Variants in LRRC8D observed in about 807,000 individuals in gnomAD.
LRRC8D encodes the protein volume-regulated anion channel subunit LRRC8D.
LRRC8D carries 20 observed loss-of-function variants against 55.8 expected under a neutral mutation model. The observed-to-expected ratio is 0.36, with a 90% CI of 0.25 to 0.52. The LOEUF (loss-of-function observed/expected upper bound fraction) is 0.52, where lower values mean the gene tolerates loss of function less well. LRRC8D is among the 20% of genes least tolerant of loss of function. The pLI, the probability that LRRC8D is intolerant of heterozygous loss-of-function variation, is 0.93. For missense variants in LRRC8D, 651 were observed against 1,030.8 expected (o/e 0.63, Z 5.05); for synonymous variants, 352 against 377.0 (o/e 0.93, Z 0.77).
intron 2 of LRRC8D, among the ~76,000 whole-genome samples, chr1:89,852,261 C>T (rs1661438844): frequency 6.6e-6 from 1 of 152,198 alleles, no homozygotes. Flanking sequence ...AGCTAGTTAC[C>T]TGACTAAACT....
chr1:89,935,460 T>C lies in LRRC8D; in HGVS notation c.2392T>C (p.Ser798Pro). 6.2e-7 allele frequency: 1 copy of C among 1,614,220 alleles called. No individual in the cohort carries two copies. Among genetic ancestry groups the C allele is most frequent in the Non-Finnish European group, 8.5e-7 (1 of 1,180,026 alleles). The change falls in exon 3 of 3, where the codon TCC (serine) becomes CCC (proline). Residue 798 changes from serine to proline, a missense_variant. By Grantham distance (74) the Ser-to-Pro change is moderately conservative (BLOSUM62 -1). This residue lies in a region of LRRC8D where 338 missense variants were observed against 479.4 expected (regional missense o/e 0.71). Coordinates refer to ENST00000337338, the MANE Select transcript of LRRC8D (RefSeq NM_001134479.2). ...ACTCCCAGAGAAAGTTGGTCAGCTCTCCCAGCTCACTCAGCTGGAGCTGAA... is the reference window on the plus strand; with the variant it reads ...ACTCCCAGAGAAAGTTGGTCAGCTCCCCCAGCTCACTCAGCTGGAGCTGAA... ...TSLPEKVGQL[S>P]QLTQLELKGN... is the part of the protein sequence containing the mutation.
intron 2 of LRRC8D, chr1:89,846,646 C>T (rs988145011): frequency 4.9e-4 from 74 of 152,226 alleles, no homozygotes; most frequent in African/African-American, 1.7e-3. Context: ...TCAGGCTCTG[C>T]CCAGAACTCA....
At chr1:89,858,102 AC>A (rs1309373732) in intron 2 of LRRC8D, among the ~76,000 whole-genome samples, 1 of 152,110 alleles carries the variant, frequency 6.6e-6, no homozygotes, top group African/African-American at 2.4e-5. Context: ...GGTGGCAAGC[AC>A]CTGTAGTCCC....
chr1:89,847,080 T>G lies in LRRC8D; in HGVS notation c.-3+3298T>G, dbSNP rs552718658. 3.3e-5 allele frequency among the ~76,000 whole-genome samples: 5 copies of G among 152,348 alleles called. No individual in the cohort carries two copies. In the South Asian group the frequency reaches 1.0e-3, roughly 32 times the overall value. On this transcript the variant is annotated intron_variant, in intron 2 of 2. Coordinates refer to ENST00000337338, the MANE Select transcript of LRRC8D (RefSeq NM_001134479.2). Reference sequence around the variant, plus strand: ...ACCCATGTAACTTTAAATTATAGATTAAATATTTTTGTAACATTCCTTAGA... The same window carrying G: ...ACCCATGTAACTTTAAATTATAGATGAAATATTTTTGTAACATTCCTTAGA...
At chr1:89,843,962 CGGCG>C (rs745580424) in intron 2 of LRRC8D, among the ~76,000 whole-genome samples, 180 bp downstream of exon 2, 34,951 of 152,056 alleles carry the variant, frequency 0.23, 4,709 homozygotes, top group East Asian at 0.37. Context: ...GGGTTCGGGC[CGGCG>C]GAAGGCCCTG....
intron 2 of LRRC8D, among the ~76,000 whole-genome samples, chr1:89,890,999 A>G (rs1047414141): frequency 6.6e-6 from 1 of 152,024 alleles, no homozygotes; most frequent in African/African-American, 2.4e-5. Context: ...CTGCTGCCTC[A>G]GCTTCCTGAG....
intron 1 of LRRC8D, among the ~76,000 whole-genome samples, chr1:89,823,815 AG>A (rs1462955778): frequency 6.6e-6 from 1 of 152,226 alleles, no homozygotes; most frequent in Non-Finnish European, 1.5e-5. Flanking sequence ...CTAAGAATCC[AG>A]GGTGTGTGGA....
intron 2 of LRRC8D, among the ~76,000 whole-genome samples, chr1:89,927,931 C>T (rs1248816479): frequency 6.6e-6 from 1 of 152,182 alleles, no homozygotes; most frequent in Non-Finnish European, 1.5e-5. Context: ...ATTACTGTCA[C>T]CATTATCATC....
chr1:89,933,701 A>G lies in LRRC8D; in HGVS notation c.633A>G (p.Lys211=). 1.9e-6 allele frequency: 3 copies of G among 1,614,184 alleles called. No individual in the cohort carries two copies. Among genetic ancestry groups the G allele is most frequent in the Non-Finnish European group, 2.5e-6 (3 of 1,180,036 alleles). Residue 211 remains lysine, a synonymous_variant, in exon 3 of 3, where the codon AAA becomes AAG. Transcript: ENST00000337338. The surrounding 1 kb of genome is among the most constrained non-coding windows in gnomAD (Gnocchi z 7.0). ...GCTTTGAATCCCCTTGGACGACAAA[A>G]GCGTTGTCTGAGACAGCATGCGAAG... is the stretch of plus-strand genomic sequence containing the variant. ...GKCFESPWTT[K]ALSETACEDS...
At chr1:89,925,696 A>G (rs563827457) in intron 2 of LRRC8D, among the ~76,000 whole-genome samples, 1 of 152,350 alleles carries the variant, frequency 6.6e-6, no homozygotes, top group South Asian at 2.1e-4. Flanking sequence ...ATGAAAAGCT[A>G]CTTTTGTTTT....
chr1:89,935,872 G>T lies in LRRC8D; in HGVS notation c.*227G>T, dbSNP rs1357226850. The T allele has an allele frequency of 4.9e-6, 2 of 406,168 alleles. No homozygotes were observed. Among genetic ancestry groups the T allele is most frequent in the Non-Finnish European group, 9.0e-6 (2 of 222,880 alleles). 25.2% of individuals were successfully genotyped at this position (406,168 alleles called of 1,614,324 possible). The stretch of plus-strand genomic sequence containing the variant: ...TTTTTTTTTTTCTTTTGGGGAAAGG[G>T]AAGGAAAAATTATAATCACTAATCT... On this transcript the variant is annotated 3_prime_UTR_variant, in exon 3 of 3. Coordinates refer to ENST00000337338, the MANE Select transcript of LRRC8D (RefSeq NM_001134479.2).
Position 89,873,254 on chromosome 1 carries a change from A to G in LRRC8D, c.-3+29472A>G, listed in dbSNP as rs1022541956. Among the ~76,000 whole-genome samples, 5 of 152,244 alleles carry G rather than the reference A, an allele frequency of 3.3e-5. 1 individual carries two copies. The highest frequency in any genetic ancestry group is 1.2e-4 in the African/African-American group (5 of 41,470). On this transcript the variant is annotated intron_variant, in intron 2 of 2. Coordinates refer to ENST00000337338, the MANE Select transcript of LRRC8D (RefSeq NM_001134479.2). ...AAAGCTGTCGATGCAAAGTTGCAAAATAACAAAGGCTTCTGTATTAATTTC... is the reference window on the plus strand; with the variant it reads ...AAAGCTGTCGATGCAAAGTTGCAAAGTAACAAAGGCTTCTGTATTAATTTC...
rs139484293 is a variant in LRRC8D, at chr1:89,839,206, A to T, written c.-147-4432A>T. ...GCTTCTGTAACACATTAATAATGAC[A>T]CCTCCCTGCGAAGGTAGTTCTGAGA... On this transcript the variant is annotated intron_variant, in intron 1 of 2. Coordinates refer to ENST00000337338, the MANE Select transcript of LRRC8D (RefSeq NM_001134479.2). 6.2e-4 allele frequency among the ~76,000 whole-genome samples: 95 copies of T among 152,188 alleles called. 1 individual carries two copies. The highest frequency in any genetic ancestry group is 2.2e-3 in the African/African-American group (93 of 41,502).
intron 2 of LRRC8D, among the ~76,000 whole-genome samples, chr1:89,925,211 G>A (rs1244616361): frequency 6.6e-6 from 1 of 152,162 alleles, no homozygotes; most frequent in African/African-American, 2.4e-5. Flanking sequence ...GAATTCAAGG[G>A]ATCTAGGTTC....
chr1:89,867,485 A>G (rs1485787676), intron 2 of LRRC8D, among the ~76,000 whole-genome samples: 1 of 152,192 alleles, frequency 6.6e-6, no homozygotes, highest in East Asian at 1.9e-4. Flanking sequence ...AACTGAAACT[A>G]TATACTCCAC....
chr1:89,848,732 C>T (rs1661339581), intron 2 of LRRC8D, among the ~76,000 whole-genome samples: 1 of 151,672 alleles, frequency 6.6e-6, no homozygotes, highest in Admixed American at 6.6e-5. Context: ...CTGAGTCTCG[C>T]CTTGTCACCC....
At position 89,859,221 on chromosome 1, in the gene LRRC8D, G is replaced by A. The variant is rs1169801287; in HGVS notation, c.-3+15439G>A. Among the ~76,000 whole-genome samples, 5 of 151,418 alleles carry A rather than the reference G, an allele frequency of 3.3e-5. 1 individual carries two copies. Among genetic ancestry groups the A allele is most frequent in the African/African-American group, 7.3e-5 (3 of 41,238 alleles). On this transcript the variant is annotated intron_variant, in intron 2 of 2. Coordinates refer to ENST00000337338, the MANE Select transcript of LRRC8D (RefSeq NM_001134479.2). ...GTAGACTATTCGGTAAATGTAGGGA[G>A]TAATGGTAGGTAATAGCAAAGCTAG...
intron 1 of LRRC8D, among the ~76,000 whole-genome samples, chr1:89,841,327 TGTGAG>T (rs1661126224): frequency 6.6e-6 from 1 of 151,972 alleles, no homozygotes; most frequent in Non-Finnish European, 1.5e-5. Flanking sequence ...AATTCAAGTC[TGTGAG>T]GTGAGGAGAA....
Position 89,855,593 on chromosome 1 carries a change from G to C in LRRC8D, c.-3+11811G>C, listed in dbSNP as rs556759581. ...GGAAAATTCTTCACAGGAAGAAACA[G>C]GGTGTAACAGTTTTTGTGAGGCATC... On this transcript the variant is annotated intron_variant, in intron 2 of 2. Coordinates refer to ENST00000337338, the MANE Select transcript of LRRC8D (RefSeq NM_001134479.2). Among the ~76,000 whole-genome samples the C allele has an allele frequency of 8.5e-5, 13 of 152,268 alleles. No homozygotes were observed. In the East Asian group the frequency reaches 1.4e-3, roughly 16 times the overall value.
Sources: gnomAD v4.1 joint callset for allele counts (sites outside exome capture counted in the v4.1 genomes callset) on GRCh38, gnomAD v4.1.1 for gene constraint, gnomAD v4.1.1 regional missense constraint, Gnocchi (gnomAD v3.1) non-coding constraint, MANE v1.5 for transcripts, NCBI Gene and HGNC (gene_info 2026-07-23, HGNC 2026-07-21) for gene names.